The following CSMD1 variants were observed in gnomAD, a reference collection of about 807,000 sequenced individuals.
CSMD1 encodes the protein CUB and Sushi multiple domains 1.
A neutral mutation model predicts 417.5 loss-of-function variants in CSMD1; 213 were observed. The observed-to-expected ratio is 0.51, with a 90% CI of 0.46 to 0.57. The LOEUF (loss-of-function observed/expected upper bound fraction) is 0.57. Among genes scored for constraint, CSMD1 ranks in the 20% least tolerant of loss-of-function variants. The probability of loss-of-function intolerance (pLI) is 0.00; values close to 1 mark genes in which losing one functional copy is unlikely to be tolerated. For synonymous variants in CSMD1, 2,862 were observed against 1,736.8 expected, an observed-to-expected ratio of 1.65 and a Z score of -16.11; for missense variants, 6,923 against 4,529.7, an observed-to-expected ratio of 1.53 and a Z score of -15.17.
At chr8:3,548,485 C>A (rs143664397) in intron 10 of CSMD1, among the ~76,000 whole-genome samples, 145 of 151,962 alleles carry the variant, frequency 9.5e-4, no homozygotes, top group African/African-American at 3.4e-3. Flanking sequence ...GTCTACCCTG[C>A]CACTCTTATG....
At chr8:3,556,580 T>G (rs1306878823) in intron 10 of CSMD1, among the ~76,000 whole-genome samples, 1 of 150,000 alleles carries the variant, frequency 6.7e-6, no homozygotes, top group East Asian at 2.0e-4. Flanking sequence ...ATGGAAAAGT[T>G]CAATATCACT....
chr8:3,850,265 G>A (rs138261994), intron 5 of CSMD1, among the ~76,000 whole-genome samples: 2 of 152,328 alleles, frequency 1.3e-5, no homozygotes, highest in East Asian at 3.9e-4. Flanking sequence ...TCCAAAGATA[G>A]AATCAATATG....
chr8:3,931,031 G>GA (rs1810101487), intron 5 of CSMD1, among the ~76,000 whole-genome samples: 2 of 150,374 alleles, frequency 1.3e-5, no homozygotes, highest in South Asian at 4.3e-4. Flanking sequence ...TTTCCACAGG[G>GA]AAAATCTTAA....
rs1353353511 is a variant in CSMD1, at chr8:3,232,422, T to C, written c.4154-2191A>G. On this transcript the variant is annotated intron_variant, in intron 26 of 69. Coordinates refer to ENST00000635120, the MANE Select transcript of CSMD1 (RefSeq NM_033225.6). ...TCTACATTTAGGCATGATGCTCTGG[T>C]CTACTCATTTTTATTGCTGTATAGT... Among the ~76,000 whole-genome samples, 6 of 152,334 alleles carry C rather than the reference T, an allele frequency of 3.9e-5. No individual in the cohort carries two copies. The East Asian group carries it at 7.7e-4, about 20-fold the overall frequency.
chr8:4,242,404 A>G lies in CSMD1; in HGVS notation c.415+177549T>C, dbSNP rs185010930. Among the ~76,000 whole-genome samples, 39 of 152,336 alleles carry G rather than the reference A, an allele frequency of 2.6e-4. No individual in the cohort carries two copies. The East Asian group carries it at 7.5e-3, about 29-fold the overall frequency. On this transcript the variant is annotated intron_variant, in intron 3 of 69. Coordinates refer to ENST00000635120, the MANE Select transcript of CSMD1 (RefSeq NM_033225.6). ...GAAGAAAACACTTCCCCCACCCAGC[A>G]AATGAGAAAAGGATAAAATGTATCA... is the stretch of plus-strand genomic sequence containing the variant.
intron 1 of CSMD1, among the ~76,000 whole-genome samples, chr8:4,790,905 T>C (rs1000333690): frequency 1.4e-4 from 22 of 152,138 alleles, no homozygotes; most frequent in African/African-American, 5.1e-4. Flanking sequence ...GAAATACCAT[T>C]TTGGACCTAG....
chr8:3,797,226 C>T (rs996360795), intron 5 of CSMD1, among the ~76,000 whole-genome samples: 3 of 151,740 alleles, frequency 2.0e-5, no homozygotes, highest in Admixed American at 2.0e-4. Context: ...GAACTTCAAC[C>T]ATCTCTATTT....
intron 49 of CSMD1, among the ~76,000 whole-genome samples, chr8:3,065,381 G>C (rs1316064611): frequency 6.6e-6 from 1 of 151,944 alleles, no homozygotes; most frequent in Non-Finnish European, 1.5e-5. Flanking sequence ...TAGGTCAAAA[G>C]AAAGATAGAA....
At chr8:3,298,443 A>G (rs1215349767) in intron 25 of CSMD1, among the ~76,000 whole-genome samples, 1 of 151,046 alleles carries the variant, frequency 6.6e-6, no homozygotes, top group African/African-American at 2.5e-5. Flanking sequence ...CATAATTAAT[A>G]AAACTGTACA....
At position 4,815,531 on chromosome 8, in the gene CSMD1, A is replaced by C. The variant is rs896506505; in HGVS notation, c.86-177973T>G. Among the ~76,000 whole-genome samples the C allele has an allele frequency of 9.9e-5, 15 of 151,880 alleles. No homozygotes were observed. The East Asian group carries it at 2.7e-3, about 28-fold the overall frequency. On this transcript the variant is annotated intron_variant, in intron 1 of 69. Coordinates refer to ENST00000635120, the MANE Select transcript of CSMD1 (RefSeq NM_033225.6). ...ACCAACACAGTGAAACCCCATCTCTACTGAAAATACAAAAATTAGCCAGGC... is the reference window on the plus strand; with the variant it reads ...ACCAACACAGTGAAACCCCATCTCTCCTGAAAATACAAAAATTAGCCAGGC...
chr8:4,114,963 G>A (rs1409961276), intron 3 of CSMD1, among the ~76,000 whole-genome samples: 3 of 152,164 alleles, frequency 2.0e-5, no homozygotes, highest in African/African-American at 7.2e-5. Context: ...CATAAACATT[G>A]TTGAAATGAC....
At chr8:3,206,269 G>A (rs1405296924) in intron 30 of CSMD1, among the ~76,000 whole-genome samples, 2 of 80,506 alleles carry the variant, frequency 2.5e-5, no homozygotes, top group African/African-American at 9.6e-5. Flanking sequence ...GTGTGGGGGG[G>A]TATGTCTCTG....
At chr8:3,509,852 G>A (rs1237617148) in intron 10 of CSMD1, among the ~76,000 whole-genome samples, 1 of 152,132 alleles carries the variant, frequency 6.6e-6, no homozygotes, top group East Asian at 1.9e-4. Context: ...GCAATTATCA[G>A]GTTGGACCCA....
chr8:3,633,916 A>G (rs1162499127), intron 7 of CSMD1, among the ~76,000 whole-genome samples: 4 of 152,238 alleles, frequency 2.6e-5, no homozygotes, highest in African/African-American at 9.6e-5. Context: ...TGCATAGGGC[A>G]TAAAATACAT....
At chr8:3,272,714 C>A (rs375658285) in intron 26 of CSMD1, among the ~76,000 whole-genome samples, 9 of 145,242 alleles carry the variant, frequency 6.2e-5, no homozygotes, top group Non-Finnish European at 1.1e-4. Context: ...GAGTTCACTC[C>A]TGATTTGGCT....
At chr8:3,272,834 G>A (rs1476377625) in intron 26 of CSMD1, among the ~76,000 whole-genome samples, 2 of 150,698 alleles carry the variant, frequency 1.3e-5, no homozygotes, top group East Asian at 2.0e-4. Context: ...ATTTTGGGCT[G>A]AGACAGTGGG....
intron 6 of CSMD1, among the ~76,000 whole-genome samples, chr8:3,749,859 T>A (rs906605028): frequency 2.0e-5 from 3 of 152,172 alleles, no homozygotes; most frequent in Non-Finnish European, 4.4e-5. Flanking sequence ...TTCGCGGTGG[T>A]TGACAATGGT....
intron 3 of CSMD1, among the ~76,000 whole-genome samples, chr8:4,410,228 G>C (rs894129367): frequency 6.6e-6 from 1 of 152,186 alleles, no homozygotes; most frequent in African/African-American, 2.4e-5. Context: ...AACTAATTCT[G>C]TAAGCCTCAT....
chr8:3,837,799 G>GAGAAA (rs1802805997), intron 5 of CSMD1, among the ~76,000 whole-genome samples: 1 of 152,074 alleles, frequency 6.6e-6, no homozygotes, highest in Non-Finnish European at 1.5e-5. Flanking sequence ...ACTATCCACT[G>GAGAAA]ACAAAGAACC....
Sources: allele counts gnomAD v4.1 joint callset (sites outside exome capture counted in the v4.1 genomes callset), GRCh38; gene constraint gnomAD v4.1.1; transcripts MANE v1.5; gene names NCBI Gene and HGNC (gene_info 2026-07-23, HGNC 2026-07-21).